Variants in CRYBG3 observed in about 807,000 individuals in gnomAD.
CRYBG3 encodes the protein crystallin beta-gamma domain containing 3.
In CRYBG3, 127 loss-of-function variants were observed where a neutral mutation model predicts 244.2. That is an observed-to-expected ratio of 0.52 (90% CI 0.45 to 0.60). The LOEUF is 0.60. Among genes scored for constraint, CRYBG3 ranks in the 20% least tolerant of loss-of-function variants. The pLI, the probability that CRYBG3 is intolerant of heterozygous loss-of-function variation, is 0.00. For missense variants in CRYBG3, 3,325 were observed against 3,442.5 expected (o/e 0.97, Z 0.85); for synonymous variants, 1,132 against 1,195.8 (o/e 0.95, Z 1.10).
At chr3:97,859,035 G>A (rs193282198) in intron 2 of CRYBG3, among the ~76,000 whole-genome samples, 105 of 152,258 alleles carry the variant, frequency 6.9e-4, no homozygotes, top group East Asian at 6.0e-3. Context: ...AGGCAAAGTA[G>A]TGTAGTCACA....
In CRYBG3 at chr3:97,874,123, A is replaced by G. The variant is rs1191521461; in HGVS notation, c.2929A>G (p.Lys977Glu). Residue 977 changes from lysine to glutamate, a missense_variant, in exon 4 of 22, where the codon AAA becomes GAA. Coordinates refer to ENST00000389622, the MANE Select transcript of CRYBG3 (RefSeq NM_153605.4). Reference protein sequence around the residue: ...FHQSLDICGTKKISGHSEMAE... With the variant: ...FHQSLDICGTEKISGHSEMAE... ...TCAATCTTTGGATATTTGTGGGACT[A>G]AAAAGATTTCTGGTCACTCAGAAAT... 5 of 1,534,868 alleles carry G rather than the reference A, an allele frequency of 3.3e-6. No individual in the cohort carries two copies. Among genetic ancestry groups the G allele is most frequent in the Non-Finnish European group, 2.6e-6 (3 of 1,146,540 alleles).
At chr3:97,844,836 G>A (rs549569111) in intron 2 of CRYBG3, among the ~76,000 whole-genome samples, 4 of 152,212 alleles carry the variant, frequency 2.6e-5, no homozygotes, top group African/African-American at 7.2e-5. Flanking sequence ...TTTGAGTGCC[G>A]AGGATAATTT....
At chr3:97,824,652 G>T (rs2038554792) in intron 1 of CRYBG3, among the ~76,000 whole-genome samples, 1 of 152,036 alleles carries the variant, frequency 6.6e-6, no homozygotes, top group South Asian at 2.1e-4. Context: ...TTCTTTCTTT[G>T]TCACAATTAA....
At chr3:97,889,936 TAGAG>T (rs746793247) in intron 10 of CRYBG3, among the ~76,000 whole-genome samples, 2 of 151,824 alleles carry the variant, frequency 1.3e-5, no homozygotes, top group Non-Finnish European at 2.9e-5. Flanking sequence ...AAAGTATGTT[TAGAG>T]AGAGAGAGAA....
In CRYBG3 at chr3:97,941,225, G is replaced by C; in HGVS notation, c.8583G>C (p.Arg2861Ser). The change falls in exon 20 of 22, where the codon AGG becomes AGC. Residue 2861 changes from arginine (R) to serine (S), a missense_variant. Arg to Ser is a moderately radical substitution (Grantham distance 110, BLOSUM62 -1). Coordinates refer to ENST00000389622, the MANE Select transcript of CRYBG3 (RefSeq NM_153605.4). ...LTVTGSLADT[R>S]ATSVCISPYS... ...TCACTGGAAGTCTAGCAGACACCAG[G>C]GCAACATCTGTGTGCATTTCTCCCT... 6.2e-7 allele frequency: 1 copy of C among 1,611,330 alleles called. No homozygotes were observed. Among genetic ancestry groups the C allele is most frequent in the Non-Finnish European group, 8.5e-7 (1 of 1,178,094 alleles).
intron 19 of CRYBG3, among the ~76,000 whole-genome samples, chr3:97,937,968 C>T (rs371337939): frequency 6.6e-6 from 1 of 152,044 alleles, no homozygotes; most frequent in African/African-American, 2.4e-5. Flanking sequence ...CCAAAAGCCA[C>T]AGGCAGTCCC....
intron 1 of CRYBG3, among the ~76,000 whole-genome samples, chr3:97,836,269 A>ATGTTTGGGCTAAAATACATAC (rs2038731541): frequency 1.3e-5 from 2 of 152,064 alleles, no homozygotes; most frequent in African/African-American, 4.8e-5. Flanking sequence ...CAACTGCCAG[A>ATGTTTGGGCTAAAATACATAC]TGTTTGGGCT....
In CRYBG3 at chr3:97,872,999, G is replaced by A. The variant is rs920635580; in HGVS notation, c.1805G>A (p.Ser602Asn). 4 of 1,535,766 alleles carry A rather than the reference G, an allele frequency of 2.6e-6. No homozygotes were observed. The highest frequency in any genetic ancestry group is 2.7e-5 in the African/African-American group (2 of 73,020). ...NYISESAVVA[S>N]LGNENAPELK... ...ATCAGTGAATCAGCAGTTGTAGCAA[G>A]CTTAGGAAATGAAAATGCACCTGAG... is the stretch of plus-strand genomic sequence containing the variant. The change falls in exon 4 of 22, where the codon AGC becomes AAC. Residue 602 changes from serine to asparagine, a missense_variant. By Grantham distance (46) the Ser-to-Asn change is conservative. Around this residue, in one of 4 missense-constraint regions of CRYBG3, gnomAD observed 1,526 missense variants for 1,443.2 expected, o/e 1.06. Coordinates refer to ENST00000389622, the MANE Select transcript of CRYBG3 (RefSeq NM_153605.4).
intron 1 of CRYBG3, among the ~76,000 whole-genome samples, chr3:97,838,573 A>T (rs1204613727): frequency 2.0e-5 from 3 of 152,070 alleles, no homozygotes; most frequent in Non-Finnish European, 4.4e-5. Context: ...GCATATAGAC[A>T]TGAGTTCTGA....
chr3:97,941,754 T>G (rs1474200002), intron 20 of CRYBG3: 1 of 153,378 alleles, frequency 6.5e-6, no homozygotes, highest in African/African-American at 2.4e-5. Context: ...AAATAAAATT[T>G]AGGGTTCTTT....
intron 11 of CRYBG3, among the ~76,000 whole-genome samples, chr3:97,894,316 T>A (rs949576241): frequency 1.3e-5 from 2 of 152,146 alleles, no homozygotes; most frequent in South Asian, 4.1e-4. Context: ...AAATCCTAAG[T>A]AAACATGACT....
At chr3:97,847,405 A>T (rs1445841565) in intron 2 of CRYBG3, among the ~76,000 whole-genome samples, 2 of 152,226 alleles carry the variant, frequency 1.3e-5, no homozygotes, top group African/African-American at 4.8e-5. Context: ...TGTGTAGTTG[A>T]AAAAAGCAAA....
rs543470248 is a variant in CRYBG3 at position 97,886,530 on chromosome 3, A to G, written c.7153-101A>G. On this transcript the variant is annotated intron_variant, in intron 7 of 21. Transcript: ENST00000389622. The stretch of plus-strand genomic sequence containing the variant: ...TATGTTTTCTTTGTGAAGAAATTCA[A>G]CTCAATAATGAGAACAGTGTAACTG... 8.3e-5 allele frequency: 66 copies of G among 796,416 alleles called. No individual in the cohort carries two copies. The African/African-American group carries it at 1.0e-3, about 12-fold the overall frequency. 49.3% of individuals were successfully genotyped at this position (796,416 alleles called of 1,614,324 possible).
intron 1 of CRYBG3, among the ~76,000 whole-genome samples, chr3:97,837,377 T>C (rs1028098959): frequency 6.6e-6 from 1 of 151,990 alleles, no homozygotes; most frequent in African/African-American, 2.4e-5. Flanking sequence ...GGGGAGGTGC[T>C]GGTGAGTGGA....
intron 10 of CRYBG3, among the ~76,000 whole-genome samples, chr3:97,891,979 G>A (rs1026330119): frequency 5.3e-5 from 8 of 152,226 alleles, no homozygotes; most frequent in Non-Finnish European, 1.2e-4. Context: ...CTGTTGCCAC[G>A]ACCCTTGCCA....
At chr3:97,929,127 C>T (rs1161767430) in intron 17 of CRYBG3, among the ~76,000 whole-genome samples, 1 of 151,988 alleles carries the variant, frequency 6.6e-6, no homozygotes, top group Non-Finnish European at 1.5e-5. Context: ...ACTGTATCCT[C>T]TTTGCATGAT....
At chr3:97,889,606 G>T (rs2039551664) in intron 10 of CRYBG3, among the ~76,000 whole-genome samples, 1 of 152,132 alleles carries the variant, frequency 6.6e-6, no homozygotes, top group South Asian at 2.1e-4. Flanking sequence ...AAAGATGGAG[G>T]TCTGTACCAA....
intron 1 of CRYBG3, among the ~76,000 whole-genome samples, chr3:97,833,040 G>A (rs1024033938): frequency 1.3e-5 from 2 of 152,096 alleles, no homozygotes; most frequent in Admixed American, 6.6e-5. Flanking sequence ...TTAGAATGGT[G>A]ATCATTAAAA....
Position 97,915,517 on chromosome 3 carries a change from C to T in CRYBG3, c.8115-93C>T, listed in dbSNP as rs2039918991. The stretch of plus-strand genomic sequence containing the variant: ...GTGGTGCTCTGCACCACTTTCTATG[C>T]CCTACCCCTACCCCAATTCCCACAG... On this transcript the variant is annotated intron_variant, in intron 16 of 21. Coordinates refer to ENST00000389622, the MANE Select transcript of CRYBG3 (RefSeq NM_153605.4). The T allele has an allele frequency of 2.9e-6, 4 of 1,365,230 alleles. No individual in the cohort carries two copies. The South Asian group carries it at 6.1e-5, about 21-fold the overall frequency. The allele number at this position is 1,365,230 out of a possible 1,614,324, so 84.6% of individuals were successfully genotyped here. A position where few individuals can be genotyped will look rare whatever the true frequency, so the allele number is the denominator to read the frequency against.
Sources: allele counts gnomAD v4.1 joint callset (sites outside exome capture counted in the v4.1 genomes callset), GRCh38; gene constraint gnomAD v4.1.1; regional missense constraint gnomAD v4.1.1; transcripts MANE v1.5; gene names NCBI Gene and HGNC (gene_info 2026-07-23, HGNC 2026-07-21).